Variants in SPAG16 observed in about 807,000 individuals in gnomAD.
The protein encoded by SPAG16 is sperm-associated antigen 16 protein.
SPAG16 carries 86 observed loss-of-function variants against 80.4 expected under a neutral mutation model. The ratio of observed to expected loss-of-function variants is 1.07; its 90% CI spans 0.90 to 1.28. SPAG16 has a LOEUF of 1.28. Among genes scored for constraint, SPAG16 ranks in the 50% most tolerant of loss-of-function variants. SPAG16 has a pLI of 0.00. For missense variants in SPAG16, 870 were observed against 765.3 expected, an observed-to-expected ratio of 1.14 and a Z score of -1.61; for synonymous variants, 294 against 265.9, an observed-to-expected ratio of 1.11 and a Z score of -1.03.
At chr2:213,921,045 C>T (rs2078200007) in intron 11 of SPAG16, among the ~76,000 whole-genome samples, 1 of 152,186 alleles carries the variant, frequency 6.6e-6, no homozygotes, top group African/African-American at 2.4e-5. Context: ...TAGTCCCCTG[C>T]CTGGTAGCCT....
intron 10 of SPAG16, among the ~76,000 whole-genome samples, chr2:213,817,585 G>A (rs1211366356): frequency 6.6e-6 from 1 of 151,856 alleles, no homozygotes; most frequent in African/African-American, 2.4e-5. Flanking sequence ...ATCAACCTAG[G>A]TGCCCATCAA....
chr2:214,187,930 C>T (rs1221421911), intron 15 of SPAG16, among the ~76,000 whole-genome samples: 1 of 152,074 alleles, frequency 6.6e-6, no homozygotes, highest in East Asian at 1.9e-4. Flanking sequence ...TCAAAATGCA[C>T]TACTATTTAA....
At chr2:213,478,658 G>A (rs569568707) in intron 9 of SPAG16, among the ~76,000 whole-genome samples, 1 of 152,110 alleles carries the variant, frequency 6.6e-6, no homozygotes, top group African/African-American at 2.4e-5. Context: ...CAGGCATTTA[G>A]CCTGCTATTT....
At chr2:213,834,011 G>C (rs2073945429) in intron 10 of SPAG16, among the ~76,000 whole-genome samples, 1 of 152,040 alleles carries the variant, frequency 6.6e-6, no homozygotes, top group Non-Finnish European at 1.5e-5. Context: ...ATCGAATCGT[G>C]GGGGCTGGTC....
intron 9 of SPAG16, among the ~76,000 whole-genome samples, chr2:213,399,626 T>A (rs181580760): frequency 3.9e-5 from 6 of 152,134 alleles, no homozygotes; most frequent in African/African-American, 1.2e-4. Context: ...TTAATTTTCC[T>A]GTTCAGTCAC....
chr2:213,774,328 G>A (rs1179205536), intron 10 of SPAG16, among the ~76,000 whole-genome samples: 1 of 152,122 alleles, frequency 6.6e-6, no homozygotes, highest in Non-Finnish European at 1.5e-5. Context: ...CTCTATGAGA[G>A]TTCTTTCTTG....
intron 11 of SPAG16, among the ~76,000 whole-genome samples, chr2:213,865,618 G>A (rs1385623324): frequency 6.7e-6 from 1 of 149,564 alleles, no homozygotes; most frequent in Non-Finnish European, 1.5e-5. Flanking sequence ...AATGAGAATA[G>A]AAAAAGGATG....
intron 15 of SPAG16, among the ~76,000 whole-genome samples, chr2:214,333,451 C>CT (rs1273840108): frequency 6.6e-6 from 1 of 152,184 alleles, no homozygotes; most frequent in Non-Finnish European, 1.5e-5. Flanking sequence ...TCATCACCCA[C>CT]TTTCTACTTT....
At chr2:213,807,209 C>T (rs1025899190) in intron 10 of SPAG16, among the ~76,000 whole-genome samples, 1 of 152,102 alleles carries the variant, frequency 6.6e-6, no homozygotes, top group Non-Finnish European at 1.5e-5. Flanking sequence ...AGGATCTTTC[C>T]TTGACTCATT....
intron 14 of SPAG16, among the ~76,000 whole-genome samples, chr2:214,133,143 A>G (rs6738356): frequency 0.96 from 145,126 of 150,472 alleles, 70,123 homozygotes; most frequent in Non-Finnish European, 0.99. Flanking sequence ...AAAAAAACCT[A>G]CCATTAGCAT....
chr2:213,675,271 G>C (rs2125236727), intron 10 of SPAG16, among the ~76,000 whole-genome samples: 1 of 152,260 alleles, frequency 6.6e-6, no homozygotes, highest in African/African-American at 2.4e-5. Context: ...GTTCATTGTA[G>C]ATTCTGGATA....
chr2:213,608,764 C>A (rs1014748042), intron 10 of SPAG16, among the ~76,000 whole-genome samples: 1 of 152,360 alleles, frequency 6.6e-6, no homozygotes, highest in East Asian at 1.9e-4. Flanking sequence ...CGGCTCACTG[C>A]CAACTCCGCC....
At chr2:214,054,600 T>C (rs1178719050) in intron 13 of SPAG16, among the ~76,000 whole-genome samples, 1 of 152,154 alleles carries the variant, frequency 6.6e-6, no homozygotes, top group African/African-American at 2.4e-5. Flanking sequence ...TTGAGGCATA[T>C]AGTATAATAT....
At chr2:213,840,018 T>C (rs1250869398) in intron 10 of SPAG16, among the ~76,000 whole-genome samples, 1 of 152,202 alleles carries the variant, frequency 6.6e-6, no homozygotes, top group Admixed American at 6.5e-5. Context: ...GCTTTCAGCA[T>C]TCCAGCTTTA....
At chr2:213,869,281 G>GTATATATATATGTATATATATATA (rs2075850716) in intron 11 of SPAG16, among the ~76,000 whole-genome samples, 1 of 36,888 alleles carries the variant, frequency 2.7e-5, no homozygotes, top group Admixed American at 3.4e-4. Flanking sequence ...ATATATATAT[G>GTATATATATATGTATATATATATA]TATATATATA....
intron 14 of SPAG16, among the ~76,000 whole-genome samples, chr2:214,112,301 G>C (rs1279171913): frequency 2.0e-5 from 3 of 152,158 alleles, no homozygotes; most frequent in Non-Finnish European, 4.4e-5. Context: ...ATTTGGGGTG[G>C]AGAGTTCTGT....
chr2:213,745,796 A>G (rs1162848687), intron 10 of SPAG16, among the ~76,000 whole-genome samples: 1 of 152,212 alleles, frequency 6.6e-6, no homozygotes, highest in Non-Finnish European at 1.5e-5. Context: ...TTGAAAAATC[A>G]CTTCTTGACC....
At chr2:214,222,633 T>G (rs1481762702) in intron 15 of SPAG16, among the ~76,000 whole-genome samples, 1 of 152,212 alleles carries the variant, frequency 6.6e-6, no homozygotes, top group Non-Finnish European at 1.5e-5. Flanking sequence ...GCTTACCATG[T>G]AGAATACTTA....
chr2:213,658,409 A>C (rs1259430997), intron 10 of SPAG16, among the ~76,000 whole-genome samples: 1 of 152,060 alleles, frequency 6.6e-6, no homozygotes, highest in African/African-American at 2.4e-5. Context: ...TCACATTTTT[A>C]TGTATATATG....
Sources: gnomAD v4.1 joint callset for allele counts (sites outside exome capture counted in the v4.1 genomes callset) on GRCh38, gnomAD v4.1.1 for gene constraint, MANE v1.5 for transcripts, NCBI Gene and HGNC (gene_info 2026-07-23, HGNC 2026-07-21) for gene names.